The following ABL1 variants were observed in gnomAD, a reference collection of about 807,000 sequenced individuals.
ABL1 encodes the protein tyrosine-protein kinase ABL1.
ABL1 carries 11 observed loss-of-function variants against 94.7 expected under a neutral mutation model. The ratio of observed to expected loss-of-function variants is 0.12; its 90% CI spans 0.07 to 0.19. The LOEUF (loss-of-function observed/expected upper bound fraction) is 0.19. Ranked by LOEUF, ABL1 falls within the 10% of genes least tolerant of loss-of-function variation. The pLI, the probability that ABL1 is intolerant of heterozygous loss-of-function variation, is 1.00. For missense variants in ABL1, 1,082 were observed against 1,489.4 expected (o/e 0.73, Z 4.50); for synonymous variants, 656 against 622.4 (o/e 1.05, Z -0.80).
At chr9:130,738,886 G>A (rs1358696320) in intron 1 of ABL1, among the ~76,000 whole-genome samples, 2 of 152,016 alleles carry the variant, frequency 1.3e-5, no homozygotes, top group African/African-American at 4.8e-5. Context: ...TGTGTGTTAT[G>A]TGTCTTTTTC....
chr9:130,821,899 G>A (rs1218551887), intron 1 of ABL1, among the ~76,000 whole-genome samples: 4 of 149,670 alleles, frequency 2.7e-5, no homozygotes, highest in African/African-American at 9.8e-5. Flanking sequence ...GGAGTGCAGT[G>A]CGCGATCTCA....
At chr9:130,841,672 C>T (rs182876936) in intron 1 of ABL1, among the ~76,000 whole-genome samples, 1 of 151,646 alleles carries the variant, frequency 6.6e-6, no homozygotes, top group East Asian at 2.0e-4. Flanking sequence ...ATTAGCCAGG[C>T]GTAGTGGGGA....
Position 130,880,461 on chromosome 9 carries a change from G to C in ABL1, c.1514-39G>C, listed in dbSNP as rs1831431996. The C allele has an allele frequency of 6.2e-7, 1 of 1,611,392 alleles. No homozygotes were observed. The highest frequency in any genetic ancestry group is 1.3e-5 in the African/African-American group (1 of 74,792). On this transcript the variant is annotated intron_variant, in intron 9 of 10. Transcript: ENST00000318560. The surrounding 1 kb of genome is among the most constrained non-coding windows in gnomAD (Gnocchi z 4.4). ...CACCAAGCCAACACCAGTACTGATG[G>C]CTGCTGGATTTTTGTTTCTGTCCCT...
In ABL1 at chr9:130,885,515, G is replaced by A. The variant is rs376469296; in HGVS notation, c.3225G>A (p.Gln1075=). The A allele has an allele frequency of 4.3e-5, 69 of 1,614,060 alleles. No homozygotes were observed. The highest frequency in any genetic ancestry group is 5.0e-5 in the Non-Finnish European group (59 of 1,180,054). The change falls in exon 11 of 11, where the codon CAG becomes CAA. Residue 1075 remains glutamine, a synonymous_variant. Transcript: ENST00000318560. ...TFCVSYVDSI[Q]QMRNKFAFRE... is the part of the protein sequence containing the mutation. ...GCGTGAGCTATGTGGATTCCATCCA[G>A]CAAATGAGGAACAAGTTTGCCTTCC...
chr9:130,848,496 C>A (rs1016970902), intron 1 of ABL1, among the ~76,000 whole-genome samples: 1 of 134,632 alleles, frequency 7.4e-6, no homozygotes, highest in Non-Finnish European at 1.5e-5. Flanking sequence ...TCAGCCTGGG[C>A]GATGGAGTGA....
intron 1 of ABL1, among the ~76,000 whole-genome samples, chr9:130,795,708 C>T (rs997352485): frequency 2.0e-5 from 3 of 152,134 alleles, no homozygotes; most frequent in African/African-American, 7.2e-5. Context: ...CAGAGCTGGA[C>T]TAATTAAATA....
intron 1 of ABL1, among the ~76,000 whole-genome samples, chr9:130,796,430 A>T (rs1430804624): frequency 2.0e-5 from 3 of 152,056 alleles, no homozygotes; most frequent in African/African-American, 7.2e-5. Flanking sequence ...AAAATCACTT[A>T]AATCTGAGAG....
At chr9:130,759,700 C>G (rs1049918340) in intron 1 of ABL1, among the ~76,000 whole-genome samples, 1 of 152,182 alleles carries the variant, frequency 6.6e-6, no homozygotes, top group Non-Finnish European at 1.5e-5. Flanking sequence ...CATCTTTCTA[C>G]TGAAACTGGC....
At chr9:130,796,577 A>G (rs1450274814) in intron 1 of ABL1, among the ~76,000 whole-genome samples, 2 of 152,132 alleles carry the variant, frequency 1.3e-5, no homozygotes, top group Admixed American at 6.6e-5. Flanking sequence ...ACATATTTCT[A>G]TGGTCTAAGG....
chr9:130,724,747 T>TAAAAA (rs34124679), intron 1 of ABL1: 24 of 310,220 alleles, frequency 7.7e-5, no homozygotes, highest in South Asian at 9.9e-5. Flanking sequence ...ACCCTGTCTT[T>TAAAAA]AAAAAAAAAA....
At chr9:130,735,964 T>A (rs867947137) in intron 1 of ABL1, among the ~76,000 whole-genome samples, 37 of 137,846 alleles carry the variant, frequency 2.7e-4, no homozygotes, top group Middle Eastern at 3.8e-3. Context: ...TATATATATT[T>A]TTTTTTTTTA....
At position 130,835,932 on chromosome 9, in the gene ABL1, A is replaced by C. The variant is rs1334295889; in HGVS notation, c.79+407A>C. 6.6e-6 allele frequency among the ~76,000 whole-genome samples: 1 copy of C among 152,170 alleles called. No homozygotes were observed. The highest frequency in any genetic ancestry group is 1.5e-5 in the Non-Finnish European group (1 of 68,024). On this transcript the variant is annotated intron_variant, in intron 1 of 10. Transcript: ENST00000318560. This position sits in a 1 kb window ranked among gnomAD's most constrained non-coding sequence, Gnocchi z 4.6. Reference sequence around the variant, plus strand: ...TGAGAAAGCCAACTCGCCAGGCCTTAACATCCCTGGGATCCCACGTTGTGG... The same window carrying C: ...TGAGAAAGCCAACTCGCCAGGCCTTCACATCCCTGGGATCCCACGTTGTGG...
intron 1 of ABL1, among the ~76,000 whole-genome samples, chr9:130,800,200 G>T (rs866255424): frequency 1.3e-5 from 2 of 152,008 alleles, no homozygotes; most frequent in South Asian, 4.2e-4. Flanking sequence ...GATACTTATT[G>T]AATTTTAGGA....
At chr9:130,793,114 CG>C (rs1328067079) in intron 1 of ABL1, among the ~76,000 whole-genome samples, 1 of 151,944 alleles carries the variant, frequency 6.6e-6, no homozygotes, top group Non-Finnish European at 1.5e-5. Flanking sequence ...TTAGTAGAGA[CG>C]GGGTTTCATC....
At chr9:130,714,115 T>A (rs1006363743) in exon 1 of ABL1, 22 of 428,412 alleles carry the variant, frequency 5.1e-5, no homozygotes, top group African/African-American at 4.2e-4. Context: ...GCGAAAATAA[T>A]TGGAACTCCT....
At chr9:130,749,514 C>T (rs1335644712) in intron 1 of ABL1, among the ~76,000 whole-genome samples, 11 of 152,206 alleles carry the variant, frequency 7.2e-5, no homozygotes, top group East Asian at 1.9e-4. Flanking sequence ...TGTTGTCAGT[C>T]GTACGGGCTT....
chr9:130,860,546 T>C (rs1332499140), intron 3 of ABL1, among the ~76,000 whole-genome samples: 1 of 152,084 alleles, frequency 6.6e-6, no homozygotes, highest in African/African-American at 2.4e-5. Flanking sequence ...TGGGGAACGC[T>C]CCTTTGAGGC....
At chr9:130,812,611 T>C (rs1483254646) in intron 1 of ABL1, among the ~76,000 whole-genome samples, 1 of 152,182 alleles carries the variant, frequency 6.6e-6, no homozygotes, top group African/African-American at 2.4e-5. Context: ...TTCATAATAA[T>C]AAAGAGATAC....
chr9:130,792,111 A>G (rs1829916806), intron 1 of ABL1, among the ~76,000 whole-genome samples: 2 of 152,156 alleles, frequency 1.3e-5, no homozygotes, highest in Non-Finnish European at 2.9e-5. Flanking sequence ...AAAGAAATCA[A>G]GTTAACGACA....
Sources: allele counts gnomAD v4.1 joint callset (sites outside exome capture counted in the v4.1 genomes callset), GRCh38; gene constraint gnomAD v4.1.1; non-coding constraint Gnocchi (gnomAD v3.1); transcripts MANE v1.5; gene names NCBI Gene and HGNC (gene_info 2026-07-23, HGNC 2026-07-21).